Variants in RSPH14 observed in about 807,000 individuals in gnomAD.
RSPH14 encodes the protein rhabdoid tumor deletion region gene 1.
In RSPH14, 20 loss-of-function variants were observed where a neutral mutation model predicts 26.7. The ratio of observed to expected loss-of-function variants is 0.75; its 90% confidence interval spans 0.53 to 1.09. The LOEUF is 1.09. RSPH14 is among the 50% of genes least tolerant of loss of function. RSPH14 has a pLI of 0.00. For missense variants in RSPH14, 449 were observed against 457.2 expected, an observed-to-expected ratio of 0.98 and a Z score of 0.16; for synonymous variants, 177 against 189.3, an observed-to-expected ratio of 0.93 and a Z score of 0.53.
At chr22:23,096,006 C>T (rs199547495) in intron 4 of RSPH14, 4 of 1,608,122 alleles carry the variant, frequency 2.5e-6, no homozygotes, top group East Asian at 4.5e-5. Flanking sequence ...GCCTACGACG[C>T]TGTGCAGCTC....
At chr22:23,117,999 G>T (rs1601833797) in intron 4 of RSPH14, among the ~76,000 whole-genome samples, 1 of 152,308 alleles carries the variant, frequency 6.6e-6, no homozygotes, top group Middle Eastern at 3.4e-3. Flanking sequence ...TGGCAGCCAC[G>T]TTCAGGGGAA....
Position 23,065,534 on chromosome 22 carries a change from C to CAAAAAAAAA in RSPH14, c.422-1410_422-1402dup, listed in dbSNP as rs10562943. ...TTTTTTATTTAATATGCACAGATTG[C>CAAAAAAAAA]AAAAAAAAAAAAAAAAAAAAAAAAA... On this transcript the variant is annotated intron_variant, in intron 4 of 6. Coordinates refer to ENST00000216036, the MANE Select transcript of RSPH14 (RefSeq NM_014433.3). 2.2e-4 allele frequency among the ~76,000 whole-genome samples: 10 copies of CAAAAAAAAA among 45,176 alleles called. 1 individual carries two copies. Among genetic ancestry groups the CAAAAAAAAA allele is most frequent in the African/African-American group, 5.2e-4 (6 of 11,478 alleles). The allele number at this position is 45,176 out of a possible 152,430, so 29.6% of individuals were successfully genotyped here.
chr22:23,106,278 G>A (rs952508043), intron 4 of RSPH14, among the ~76,000 whole-genome samples: 1 of 152,264 alleles, frequency 6.6e-6, no homozygotes, highest in Non-Finnish European at 1.5e-5. Context: ...TAAGGGGGGT[G>A]GCGCCTTGGG....
chr22:23,082,122 CTCAAAAAAAAA>C, intron 4 of RSPH14, among the ~76,000 whole-genome samples: 1 of 121,262 alleles, frequency 8.2e-6, no homozygotes. Flanking sequence ...AAGACTCCGC[CTCAAAAAAAAA>C]ACAAAAAAAA....
intron 1 of RSPH14, 122 bp from the exon 2 acceptor site, chr22:23,140,594 A>C: frequency 8.7e-7 from 1 of 1,155,438 alleles, no homozygotes; most frequent in South Asian, 1.6e-5. Context: ...CAGATGAGCA[A>C]ACTGAGGCTG....
chr22:23,102,899 C>T (rs1366794147), intron 4 of RSPH14, among the ~76,000 whole-genome samples: 1 of 152,236 alleles, frequency 6.6e-6, no homozygotes, highest in Non-Finnish European at 1.5e-5. Flanking sequence ...ACAAGTGTTC[C>T]TGCCACAACA....
intron 4 of RSPH14, chr22:23,132,922 C>T (rs915797793): frequency 6.6e-6 from 1 of 151,976 alleles, no homozygotes; most frequent in African/African-American, 2.4e-5. Flanking sequence ...TGCGGACACC[C>T]GACTGGCGTA....
upstream of RSPH14, among the ~76,000 whole-genome samples, chr22:23,146,187 CAGAG>C (rs2070759425): frequency 6.6e-6 from 1 of 152,188 alleles, no homozygotes; most frequent in Non-Finnish European, 1.5e-5. Context: ...ATATTCCTGA[CAGAG>C]AGGGAAGCCT....
chr22:23,174,084 T>C, the RSPH14 span, among the ~76,000 whole-genome samples: 1 of 152,028 alleles, frequency 6.6e-6, no homozygotes, highest in Admixed American at 6.6e-5. Context: ...AAGTTCTGCA[T>C]TGTCTCCAGC....
chr22:23,135,097 G>A (rs973943401), intron 3 of RSPH14, among the ~76,000 whole-genome samples: 5 of 152,064 alleles, frequency 3.3e-5, no homozygotes, highest in Non-Finnish European at 7.4e-5. Flanking sequence ...TTTGAGCCTA[G>A]GAGTTTAAGG....
At chr22:23,154,521 G>C in the RSPH14 span, among the ~76,000 whole-genome samples, 1 of 152,358 alleles carries the variant, frequency 6.6e-6, no homozygotes, top group East Asian at 1.9e-4. Flanking sequence ...GAGGGATCCA[G>C]AGAGCTGAGA....
chr22:23,108,096 G>A (rs2069536486), intron 4 of RSPH14, among the ~76,000 whole-genome samples: 1 of 152,244 alleles, frequency 6.6e-6, no homozygotes, highest in Non-Finnish European at 1.5e-5. Context: ...CCAGGAGCAG[G>A]TGCATCTGTG....
At chr22:23,179,341 C>A in the RSPH14 span, among the ~76,000 whole-genome samples, 1 of 152,184 alleles carries the variant, frequency 6.6e-6, no homozygotes, top group Non-Finnish European at 1.5e-5. Flanking sequence ...TTTCCCCCAA[C>A]CCAGCGGGCT....
chr22:23,125,509 G>A (rs910418229), intron 4 of RSPH14, among the ~76,000 whole-genome samples: 1 of 152,160 alleles, frequency 6.6e-6, no homozygotes, highest in Non-Finnish European at 1.5e-5. Context: ...TGCAGTGCTC[G>A]CTGACTGGCT....
the RSPH14 span, among the ~76,000 whole-genome samples, chr22:23,153,760 A>G: frequency 7.2e-6 from 1 of 139,634 alleles, no homozygotes; most frequent in Non-Finnish European, 1.5e-5. Flanking sequence ...GCAGTGGCGC[A>G]ATCTCAGCTC....
chr22:23,135,377 A>G (rs2070454367), intron 3 of RSPH14, among the ~76,000 whole-genome samples: 1 of 150,598 alleles, frequency 6.6e-6, no homozygotes, highest in Admixed American at 6.6e-5. Context: ...CTGTAGTCCC[A>G]GCTACTTTGG....
chr22:23,152,477 G>A, the RSPH14 span: 1 of 1,614,164 alleles, frequency 6.2e-7, no homozygotes, highest in Non-Finnish European at 8.5e-7. Context: ...ACTCTCCAAG[G>A]TGGTGGTGGT....
At chr22:23,145,248 C>G, upstream of RSPH14, 1 of 791,746 alleles carries the variant, frequency 1.3e-6, no homozygotes, top group Admixed American at 2.2e-5. Flanking sequence ...CATAGCCCCG[C>G]CCACCGCCCA....
chr22:23,164,615 C>G, the RSPH14 span, among the ~76,000 whole-genome samples: 18 of 152,316 alleles, frequency 1.2e-4, no homozygotes, highest in South Asian at 3.5e-3. Flanking sequence ...GAGGCACTTT[C>G]TGTTGGTCTG....
Sources: gnomAD v4.1 joint callset for allele counts (sites outside exome capture counted in the v4.1 genomes callset) on GRCh38, gnomAD v4.1.1 for gene constraint, MANE v1.5 for transcripts, NCBI Gene and HGNC (gene_info 2026-07-23, HGNC 2026-07-21) for gene names.